The following DERA variants were observed in gnomAD, a reference collection of about 807,000 sequenced individuals.
DERA encodes the protein 2-deoxy-D-ribose 5-phosphate aldolase.
Under a neutral mutation model 41.1 loss-of-function variants are expected in DERA, and 15 were observed. The ratio of observed to expected loss-of-function variants is 0.37; its 90% CI spans 0.24 to 0.56. DERA has a LOEUF of 0.56. Ranked by LOEUF, DERA falls within the 20% of genes least tolerant of loss-of-function variation. The pLI is 0.81. For missense variants in DERA, 396 were observed against 403.4 expected, an observed-to-expected ratio of 0.98 and a Z score of 0.16; for synonymous variants, 139 against 137.4, an observed-to-expected ratio of 1.01 and a Z score of -0.08.
intron 7 of DERA, among the ~76,000 whole-genome samples, chr12:16,033,429 C>T (rs1019706058): frequency 6.6e-6 from 1 of 152,092 alleles, no homozygotes; most frequent in Non-Finnish European, 1.5e-5. Context: ...AAAAATGATA[C>T]ATATTTTTTG....
Position 16,000,598 on chromosome 12 carries a change from C to T in DERA, c.637+18162C>T, listed in dbSNP as rs17762729. On this transcript the variant is annotated intron_variant, in intron 6 of 8. Coordinates refer to ENST00000428559, the MANE Select transcript of DERA (RefSeq NM_015954.4). The surrounding 1 kb of genome is among the most constrained non-coding windows in gnomAD (Gnocchi z 4.8). Reference sequence around the variant, plus strand: ...TTGAAAGTAAGTTTCCTATGTTACGCGGCTGCTAAATTGGCCAGGGACAAC... The same window carrying T: ...TTGAAAGTAAGTTTCCTATGTTACGTGGCTGCTAAATTGGCCAGGGACAAC... 0.021 allele frequency among the ~76,000 whole-genome samples: 3,218 copies of T among 152,208 alleles called. 45 individuals are homozygous for T. Among genetic ancestry groups the T allele is most frequent in the Non-Finnish European group, 0.032 (2,193 of 68,022 alleles).
At chr12:15,997,817 A>T (rs576848061) in intron 6 of DERA, among the ~76,000 whole-genome samples, 114 of 152,342 alleles carry the variant, frequency 7.5e-4, no homozygotes, top group African/African-American at 2.6e-3. Flanking sequence ...AAAGGTGTTT[A>T]CAAATTCATT....
chr12:15,947,428 T>G (rs1457831115), intron 1 of DERA, among the ~76,000 whole-genome samples: 1 of 152,220 alleles, frequency 6.6e-6, no homozygotes, highest in Non-Finnish European at 1.5e-5. Context: ...TAGTTAGCTC[T>G]TCTTGTTGAA....
intron 6 of DERA, among the ~76,000 whole-genome samples, chr12:15,997,908 G>T (rs529959857): frequency 1.3e-5 from 2 of 152,302 alleles, no homozygotes; most frequent in South Asian, 4.1e-4. Context: ...TGAACTCAGA[G>T]AAATTGTAAA....
At chr12:16,029,830 G>A (rs1405589304) in intron 6 of DERA, among the ~76,000 whole-genome samples, 1 of 147,474 alleles carries the variant, frequency 6.8e-6, no homozygotes, top group East Asian at 2.2e-4. Flanking sequence ...TTCTGAAGGA[G>A]TTTGGTTCTT....
rs1052324566 is a variant in DERA at position 15,988,021 on chromosome 12, C to T, written c.637+5585C>T. On this transcript the variant is annotated intron_variant, in intron 6 of 8. Coordinates refer to ENST00000428559, the MANE Select transcript of DERA (RefSeq NM_015954.4). This position sits in a 1 kb window ranked among gnomAD's most constrained non-coding sequence, Gnocchi z 6.0. ...CATGCGAGGCTGTGGCTGGACCAGA[C>T]GTACCACAAGCAGCTTCTGCTGTGG... Among the ~76,000 whole-genome samples the T allele has an allele frequency of 2.6e-5, 4 of 152,154 alleles. No homozygotes were observed. Among genetic ancestry groups the T allele is most frequent in the African/African-American group, 9.7e-5 (4 of 41,442 alleles).
intron 1 of DERA, among the ~76,000 whole-genome samples, chr12:15,927,817 A>C (rs1948298683): frequency 6.6e-6 from 1 of 152,172 alleles, no homozygotes; most frequent in African/African-American, 2.4e-5. Flanking sequence ...TCTTTTTTAA[A>C]ATGCTTTTTT....
intron 1 of DERA, among the ~76,000 whole-genome samples, chr12:15,927,844 A>G (rs527887287): frequency 7.9e-4 from 120 of 152,346 alleles, no homozygotes; most frequent in Non-Finnish European, 1.3e-3. Flanking sequence ...TTAGGAATTC[A>G]AAATATAATG....
At chr12:15,955,399 G>T (rs531944048) in intron 1 of DERA, among the ~76,000 whole-genome samples, 2 of 151,972 alleles carry the variant, frequency 1.3e-5, no homozygotes, top group Non-Finnish European at 2.9e-5. Context: ...TGATTTTCTC[G>T]GGCTCTGCTA....
rs778576302 is a variant in DERA, at chr12:15,921,014, G to A, written c.31+9600G>A. Among the ~76,000 whole-genome samples, 9 of 152,032 alleles carry A rather than the reference G, an allele frequency of 5.9e-5. No homozygotes were observed. Among genetic ancestry groups the A allele is most frequent in the Non-Finnish European group, 1.0e-4 (7 of 68,004 alleles). On this transcript the variant is annotated intron_variant, in intron 1 of 8. Coordinates refer to ENST00000428559, the MANE Select transcript of DERA (RefSeq NM_015954.4). The surrounding 1 kb of genome is among the most constrained non-coding windows in gnomAD (Gnocchi z 5.3). Reference sequence around the variant, plus strand: ...AGATTCAGAGAATCTTTAATTACGAGCTATTGTTTTTTTGATAAATCTTAT... The same window carrying A: ...AGATTCAGAGAATCTTTAATTACGAACTATTGTTTTTTTGATAAATCTTAT...
rs1239611787 is a variant in DERA at position 15,931,545 on chromosome 12, A to G, written c.31+20131A>G. Among the ~76,000 whole-genome samples the G allele has an allele frequency of 6.6e-6, 1 of 152,222 alleles. No homozygotes were observed. The highest frequency in any genetic ancestry group is 1.5e-5 in the Non-Finnish European group (1 of 68,046). ...TCAGAAGTTTTCCCAGAGTACATTA[A>G]GTTGAAAAACTACATGTTTGGAAAT... On this transcript the variant is annotated intron_variant, in intron 1 of 8. Coordinates refer to ENST00000428559, the MANE Select transcript of DERA (RefSeq NM_015954.4). This position sits in a 1 kb window ranked among gnomAD's most constrained non-coding sequence, Gnocchi z 4.6.
intron 6 of DERA, among the ~76,000 whole-genome samples, chr12:16,006,219 G>C (rs1377903763): frequency 1.3e-5 from 2 of 152,020 alleles, no homozygotes; most frequent in African/African-American, 4.8e-5. Flanking sequence ...CTCCCCTCTT[G>C]CTCCCAATGA....
rs1192566393 is a variant in DERA at position 16,035,563 on chromosome 12, G to T, written c.751-669G>T. Among the ~76,000 whole-genome samples, 3 of 152,134 alleles carry T rather than the reference G, an allele frequency of 2.0e-5. No individual in the cohort carries two copies. The highest frequency in any genetic ancestry group is 7.2e-5 in the African/African-American group (3 of 41,436). On this transcript the variant is annotated intron_variant, in intron 7 of 8. Transcript: ENST00000428559. The surrounding 1 kb of genome is among the most constrained non-coding windows in gnomAD (Gnocchi z 4.1). Reference sequence around the variant, plus strand: ...TATTGGCTGAATTCAGCTGTGTTATGATCAACCTTAAAGACTACTGGACTA... The same window carrying T: ...TATTGGCTGAATTCAGCTGTGTTATTATCAACCTTAAAGACTACTGGACTA...
At chr12:16,023,667 C>T (rs985167249) in intron 6 of DERA, among the ~76,000 whole-genome samples, 5 of 151,318 alleles carry the variant, frequency 3.3e-5, no homozygotes, top group Non-Finnish European at 2.9e-5. Flanking sequence ...TTAGTAGAGA[C>T]GGGGTTTCAC....
chr12:15,934,064 G>C (rs973629385), intron 1 of DERA, among the ~76,000 whole-genome samples: 3 of 152,166 alleles, frequency 2.0e-5, no homozygotes, highest in Non-Finnish European at 4.4e-5. Context: ...CTAATAAAGT[G>C]CCTGGTGGAG....
intron 6 of DERA, among the ~76,000 whole-genome samples, chr12:16,018,138 G>A (rs1260391486): frequency 6.6e-6 from 1 of 152,142 alleles, no homozygotes; most frequent in Non-Finnish European, 1.5e-5. Flanking sequence ...TTATTATACA[G>A]TAGTAGCCTT....
chr12:16,034,328 A>G (rs1949112795), intron 7 of DERA, among the ~76,000 whole-genome samples: 1 of 152,226 alleles, frequency 6.6e-6, no homozygotes. Context: ...TTAGACAACA[A>G]GCAAAGAATG....
At chr12:15,961,261 A>G (rs1948585751) in intron 4 of DERA, among the ~76,000 whole-genome samples, 1 of 152,202 alleles carries the variant, frequency 6.6e-6, no homozygotes, top group South Asian at 2.1e-4. Flanking sequence ...TATGACAGAA[A>G]AGTCTTTAAA....
intron 3 of DERA, among the ~76,000 whole-genome samples, chr12:15,958,647 T>C (rs1948559854): frequency 6.6e-6 from 1 of 152,104 alleles, no homozygotes; most frequent in Non-Finnish European, 1.5e-5. Context: ...ATACTCTTTC[T>C]GATTCCCTAG....
Sources: gnomAD v4.1 joint callset for allele counts (sites outside exome capture counted in the v4.1 genomes callset) on GRCh38, gnomAD v4.1.1 for gene constraint, Gnocchi (gnomAD v3.1) non-coding constraint, MANE v1.5 for transcripts, NCBI Gene and HGNC (gene_info 2026-07-23, HGNC 2026-07-21) for gene names.